SEMA7A: variants seen among roughly 807,000 people sequenced by gnomAD.
SEMA7A encodes semaphorin-7A.
Under a neutral mutation model 67.5 loss-of-function variants are expected in SEMA7A, and 21 were observed. The observed-to-expected ratio is 0.31, with a 90% CI of 0.22 to 0.45. The LOEUF is 0.45. Ranked by LOEUF, SEMA7A falls within the 20% of genes least tolerant of loss-of-function variation. The pLI, the probability that SEMA7A is intolerant of heterozygous loss-of-function variation, is 1.00. For missense variants in SEMA7A, 774 were observed against 908.6 expected (o/e 0.85, Z 1.90); for synonymous variants, 364 against 368.5 (o/e 0.99, Z 0.14).
Position 74,414,477 on chromosome 15 carries a change from T to A in SEMA7A, c.1294+70A>T. The A allele has an allele frequency of 7.0e-7, 1 of 1,420,280 alleles. No individual in the cohort carries two copies. Among genetic ancestry groups the A allele is most frequent in the Non-Finnish European group, 9.9e-7 (1 of 1,013,876 alleles). The allele number at this position is 1,420,280 out of a possible 1,614,324, so 88.0% of individuals were successfully genotyped here. On this transcript the variant is annotated intron_variant, in intron 10 of 13. Coordinates refer to ENST00000261918, the MANE Select transcript of SEMA7A (RefSeq NM_003612.5). This position sits in a 1 kb window ranked among gnomAD's most constrained non-coding sequence, Gnocchi z 4.1. ...TGTAAAGATCCAACCAGATGTTAAC[T>A]ACATTATTCCTTACACCTTTCATGC... is the stretch of plus-strand genomic sequence containing the variant.
In SEMA7A at chr15:74,410,721, A is replaced by G. The variant is rs776704894; in HGVS notation, c.1904T>C (p.Ile635Thr). The change falls in exon 14 of 14, where the codon ATC becomes ACC. Residue 635 changes from isoleucine (I) to threonine (T), a missense_variant. By Grantham distance (89) the Ile-to-Thr change is moderately conservative. This residue lies in a region of SEMA7A where 427 missense variants were observed against 555.4 expected (regional missense o/e 0.77). Coordinates refer to ENST00000261918, the MANE Select transcript of SEMA7A (RefSeq NM_003612.5). This position sits in a 1 kb window ranked among gnomAD's most constrained non-coding sequence, Gnocchi z 7.5. ...QHWQLLPEDG[I>T]MAEHLLGHAC... is the part of the protein sequence containing the mutation. ...ATGACCCAGCAGGTGCTCGGCCATG[A>G]TGCCGTCCTCGGGCAGCAGCTGCCA... 1 of 1,613,852 alleles carries G rather than the reference A, an allele frequency of 6.2e-7. No homozygotes were observed. Among genetic ancestry groups the G allele is most frequent in the Non-Finnish European group, 8.5e-7 (1 of 1,179,980 alleles).
chr15:74,420,427 T>C (rs2060990745), intron 1 of SEMA7A, among the ~76,000 whole-genome samples: 1 of 152,176 alleles, frequency 6.6e-6, no homozygotes, highest in East Asian at 1.9e-4. Context: ...CTCAGCAGCA[T>C]GGCAGGCTAC....
Position 74,423,192 on chromosome 15 carries a change from G to A in SEMA7A, c.179-4240C>T, listed in dbSNP as rs1300710452. Among the ~76,000 whole-genome samples the A allele has an allele frequency of 2.0e-5, 3 of 152,220 alleles. No homozygotes were observed. The highest frequency in any genetic ancestry group is 7.2e-5 in the African/African-American group (3 of 41,450). ...GTTGGAGAGCCAGCACATCTGGCAG[G>A]AGCGTCCTCCCACAGTTGTGCCCCC... is the stretch of plus-strand genomic sequence containing the variant. On this transcript the variant is annotated intron_variant, in intron 1 of 13. Transcript: ENST00000261918. The surrounding 1 kb of genome is among the most constrained non-coding windows in gnomAD (Gnocchi z 4.1).
chr15:74,411,143 C>T lies in SEMA7A; in HGVS notation c.1639+152G>A, dbSNP rs2060896311. The T allele has an allele frequency of 2.2e-6, 3 of 1,336,898 alleles. No homozygotes were observed. The highest frequency in any genetic ancestry group is 3.0e-6 in the Non-Finnish European group (3 of 986,898). 82.8% of individuals were successfully genotyped at this position (1,336,898 alleles called of 1,614,324 possible). A position where few individuals can be genotyped will look rare whatever the true frequency, so the allele number is the denominator to read the frequency against. On this transcript the variant is annotated intron_variant, in intron 13 of 13. Transcript: ENST00000261918. The surrounding 1 kb of genome is among the most constrained non-coding windows in gnomAD (Gnocchi z 4.4). ...CCTTTTTTCTCCCGTCTCGCTCATC[C>T]CACCAAGAGGGCTCCCTCTGCAGGA...
rs146504278 is a variant in SEMA7A, at chr15:74,411,887, G to T, written c.1420C>A (p.Arg474=). Residue 474 remains arginine (R), a splice_region_variant and synonymous_variant, in exon 11 of 14, where the codon CGG becomes AGG. Coordinates refer to ENST00000261918, the MANE Select transcript of SEMA7A (RefSeq NM_003612.5). The surrounding 1 kb of genome is among the most constrained non-coding windows in gnomAD (Gnocchi z 4.4). Reference sequence around the variant, plus strand: ...GGACGCAGTGGGGGAAGGCTCACCCGCTCAGCATCCAGCGACATGGTCTGG... The same window carrying T: ...GGACGCAGTGGGGGAAGGCTCACCCTCTCAGCATCCAGCGACATGGTCTGG... ...AIQTMSLDAE[R]RKLYVSSQWE... The T allele has an allele frequency of 1.9e-6, 3 of 1,613,744 alleles. No individual in the cohort carries two copies. The highest frequency in any genetic ancestry group is 3.3e-5 in the Admixed American group (2 of 60,030).
intron 1 of SEMA7A, among the ~76,000 whole-genome samples, chr15:74,421,763 G>T (rs1414785238): frequency 6.6e-6 from 1 of 152,210 alleles, no homozygotes; most frequent in East Asian, 1.9e-4. Context: ...AGCGGGGGCT[G>T]GGGGCTAAGG....
At chr15:74,421,699 GAGCAGC>G (rs762642691) in intron 1 of SEMA7A, among the ~76,000 whole-genome samples, 2 of 152,164 alleles carry the variant, frequency 1.3e-5, no homozygotes, top group Non-Finnish European at 2.9e-5. Flanking sequence ...GGGAAGTGTC[GAGCAGC>G]AGCAGCTCGA....
At chr15:74,417,805 CCCA>C in intron 4 of SEMA7A, 69 bp downstream of exon 4, 1 of 1,574,728 alleles carries the variant, frequency 6.4e-7, no homozygotes, top group Admixed American at 1.7e-5. Flanking sequence ...CCATCTCCTT[CCCA>C]CCATGAGGGG....
intron 1 of SEMA7A, chr15:74,427,225 G>A: frequency 1.0e-6 from 1 of 985,380 alleles, no homozygotes; most frequent in Non-Finnish European, 1.2e-6. Flanking sequence ...ATTTCATCTG[G>A]CCTATGGGGC....
At chr15:74,432,599 GT>G (rs1294985240) in intron 1 of SEMA7A, among the ~76,000 whole-genome samples, 2 of 152,052 alleles carry the variant, frequency 1.3e-5, no homozygotes, top group South Asian at 2.1e-4. Context: ...TTTGTGTATG[GT>G]TTTTTTTCCC....
intron 1 of SEMA7A, among the ~76,000 whole-genome samples, chr15:74,431,851 C>A (rs959518022): frequency 6.6e-6 from 1 of 152,110 alleles, no homozygotes. Context: ...TTGGACAAGA[C>A]TGGTGAACGG....
Position 74,415,821 on chromosome 15 carries a change from A to G in SEMA7A, c.966T>C (p.Tyr322=). The G allele has an allele frequency of 6.2e-7, 1 of 1,613,590 alleles. No homozygotes were observed. The highest frequency in any genetic ancestry group is 8.5e-7 in the Non-Finnish European group (1 of 1,179,722). ...CTCACCAGGGGTTGGAGAAAACACC[A>G]TAGACCCTGGTGTCCCTCCACTGGC... ...PSGQWRDTRV[Y]GVFSNPWNYS... Residue 322 remains tyrosine, a synonymous_variant, in exon 8 of 14, where the codon TAT becomes TAC. Transcript: ENST00000261918.
chr15:74,431,693 A>G (rs1162093982), intron 1 of SEMA7A, among the ~76,000 whole-genome samples: 1 of 152,132 alleles, frequency 6.6e-6, no homozygotes. Flanking sequence ...TCCGATTGCC[A>G]TGTGTCACCC....
At chr15:74,413,892 G>A (rs999072000) in intron 10 of SEMA7A, among the ~76,000 whole-genome samples, 2 of 152,152 alleles carry the variant, frequency 1.3e-5, no homozygotes, top group Non-Finnish European at 2.9e-5. Flanking sequence ...AAGGCAGCTG[G>A]CATGGGAAGC....
rs563322943 is a variant in SEMA7A at position 74,422,621 on chromosome 15, T to C, written c.179-3669A>G. Among the ~76,000 whole-genome samples, 7 of 152,300 alleles carry C rather than the reference T, an allele frequency of 4.6e-5. No homozygotes were observed. The South Asian group carries it at 1.2e-3, about 27-fold the overall frequency. ...CCCAGCTCCGGCCAGATAGGAGGGC[T>C]GCAAGGATGGCTGGGTTGTAGGAGA... On this transcript the variant is annotated intron_variant, in intron 1 of 13. Coordinates refer to ENST00000261918, the MANE Select transcript of SEMA7A (RefSeq NM_003612.5).
intron 5 of SEMA7A, 45 bp from the exon 6 acceptor site, chr15:74,417,490 T>C: frequency 6.3e-7 from 1 of 1,590,640 alleles, no homozygotes; most frequent in Non-Finnish European, 8.6e-7. Flanking sequence ...AGGCAGCTCC[T>C]GGAAGTCCCT....
At chr15:74,427,467 T>C in intron 1 of SEMA7A, 3 of 802,966 alleles carry the variant, frequency 3.7e-6, no homozygotes, top group Non-Finnish European at 4.5e-6. Context: ...TAGCTGGGAT[T>C]ACAGGCGTGT....
Position 74,410,796 on chromosome 15 carries a change from T to C in SEMA7A, c.1829A>G (p.His610Arg). ...IENLTAQQYG[H>R]YFCEAQEGSY... ...GCCCTCCTGGGCCTCGCAGAAGTAG[T>C]GGCCGTACTGCTGCGCCGTGAGGTT... The change falls in exon 14 of 14, where the codon CAC becomes CGC. Residue 610 changes from histidine to arginine, a missense_variant. His to Arg is a conservative substitution (Grantham distance 29). Around this residue, in one of 2 missense-constraint regions of SEMA7A, gnomAD observed 427 missense variants for 555.4 expected, o/e 0.77. Coordinates refer to ENST00000261918, the MANE Select transcript of SEMA7A (RefSeq NM_003612.5). This position sits in a 1 kb window ranked among gnomAD's most constrained non-coding sequence, Gnocchi z 7.5. 6.2e-7 allele frequency: 1 copy of C among 1,614,150 alleles called. No individual in the cohort carries two copies.
intron 1 of SEMA7A, among the ~76,000 whole-genome samples, chr15:74,433,219 G>GGGGGCA (rs2061106023): frequency 6.6e-6 from 1 of 151,176 alleles, no homozygotes; most frequent in East Asian, 2.0e-4. Flanking sequence ...GGGCCGGGGC[G>GGGGGCA]GGGGCGGGGG....
Sources: gnomAD v4.1 joint callset for allele counts (sites outside exome capture counted in the v4.1 genomes callset) on GRCh38, gnomAD v4.1.1 for gene constraint, gnomAD v4.1.1 regional missense constraint, Gnocchi (gnomAD v3.1) non-coding constraint, MANE v1.5 for transcripts, NCBI Gene and HGNC (gene_info 2026-07-23, HGNC 2026-07-21) for gene names.